Variants in ZFYVE9 observed in about 807,000 individuals in gnomAD.
The protein encoded by ZFYVE9 is zinc finger FYVE domain-containing protein 9.
A neutral mutation model predicts 126.7 loss-of-function variants in ZFYVE9; 43 were observed. That is an observed-to-expected ratio of 0.34 (90% confidence interval 0.27 to 0.44). ZFYVE9 has a LOEUF of 0.44. ZFYVE9 is among the 20% of genes least tolerant of loss of function. The pLI is 1.00. For missense variants in ZFYVE9, 1,476 were observed against 1,697.0 expected (o/e 0.87, Z 2.29); for synonymous variants, 521 against 597.4 (o/e 0.87, Z 1.87).
chr1:52,271,433 T>G (rs909181578), intron 7 of ZFYVE9, among the ~76,000 whole-genome samples: 6 of 152,186 alleles, frequency 3.9e-5, no homozygotes, highest in African/African-American at 1.4e-4. Context: ...TTTTTATTAT[T>G]ATTATTATAC....
intron 1 of ZFYVE9, among the ~76,000 whole-genome samples, chr1:52,181,343 C>G (rs1644700749): frequency 6.6e-6 from 1 of 152,242 alleles, no homozygotes; most frequent in African/African-American, 2.4e-5. Flanking sequence ...CCTCGGCCTC[C>G]CGAGGTGCTG....
At chr1:52,186,027 G>A (rs1388033289) in intron 1 of ZFYVE9, among the ~76,000 whole-genome samples, 1 of 151,544 alleles carries the variant, frequency 6.6e-6, no homozygotes, top group Non-Finnish European at 1.5e-5. Flanking sequence ...GATCACTTGA[G>A]GTCAGGAGTT....
In ZFYVE9 at chr1:52,344,917, A is replaced by T; in HGVS notation, c.4089A>T (p.Gly1363=). Residue 1363 remains glycine, a synonymous_variant, in exon 18 of 19, where the codon GGA becomes GGT. Coordinates refer to ENST00000287727, the MANE Select transcript of ZFYVE9 (RefSeq NM_004799.4). ...LLKEDGMTKL[G]LRVTLDSDQV... ...AGGAAGATGGAATGACCAAACTGGGACTACGTGTGACACTTGACTCAGATC... is the reference window on the plus strand; with the variant it reads ...AGGAAGATGGAATGACCAAACTGGGTCTACGTGTGACACTTGACTCAGATC... 1 of 1,614,180 alleles carries T rather than the reference A, an allele frequency of 6.2e-7. No homozygotes were observed. Among genetic ancestry groups the T allele is most frequent in the Non-Finnish European group, 8.5e-7 (1 of 1,180,026 alleles).
At chr1:52,233,854 C>T (rs140168674) in intron 3 of ZFYVE9, among the ~76,000 whole-genome samples, 242 of 152,298 alleles carry the variant, frequency 1.6e-3, no homozygotes, top group African/African-American at 5.4e-3. Flanking sequence ...GTGCAGTGCT[C>T]ACTGGAACCT....
At chr1:52,325,002 G>A (rs915081739) in intron 13 of ZFYVE9, among the ~76,000 whole-genome samples, 1 of 152,180 alleles carries the variant, frequency 6.6e-6, no homozygotes, top group South Asian at 2.1e-4. Flanking sequence ...GAATTAGGCT[G>A]GGCGTGGTGG....
intron 1 of ZFYVE9, among the ~76,000 whole-genome samples, chr1:52,199,970 TG>T (rs1254178702): frequency 2.6e-5 from 4 of 152,102 alleles, no homozygotes; most frequent in Non-Finnish European, 4.4e-5. Context: ...GTTTGCCATC[TG>T]TGTACCTTCT....
chr1:52,148,144 A>G (rs1169717603), intron 1 of ZFYVE9, among the ~76,000 whole-genome samples: 1 of 151,794 alleles, frequency 6.6e-6, no homozygotes, highest in Non-Finnish European at 1.5e-5. Context: ...ATGCATTGCC[A>G]GATTCTTTGA....
intron 4 of ZFYVE9, among the ~76,000 whole-genome samples, chr1:52,262,496 G>GT (rs1257341426): frequency 6.6e-6 from 1 of 152,124 alleles, no homozygotes. Flanking sequence ...TGTTCTCCCT[G>GT]TATCACAGGG....
At chr1:52,319,950 T>C (rs1480323959) in intron 13 of ZFYVE9, among the ~76,000 whole-genome samples, 2 of 147,052 alleles carry the variant, frequency 1.4e-5, no homozygotes, top group Non-Finnish European at 3.0e-5. Flanking sequence ...GAGGCAGAGG[T>C]TGCAGTGAGC....
intron 4 of ZFYVE9, among the ~76,000 whole-genome samples, chr1:52,242,819 T>C (rs572651440): frequency 6.6e-6 from 1 of 152,320 alleles, no homozygotes; most frequent in Admixed American, 6.5e-5. Flanking sequence ...TTGTAATTGA[T>C]ATTGTGATTT....
At chr1:52,325,494 T>C (rs1646281867) in intron 13 of ZFYVE9, among the ~76,000 whole-genome samples, 1 of 152,128 alleles carries the variant, frequency 6.6e-6, no homozygotes, top group Non-Finnish European at 1.5e-5. Context: ...CACCCCAGCC[T>C]GAACGAGAAG....
At position 52,281,664 on chromosome 1, in the gene ZFYVE9, T is replaced by G. The variant is rs1264280249; in HGVS notation, c.2873T>G (p.Val958Gly). The change falls in exon 10 of 19, where the codon GTG (valine) becomes GGG (glycine). Residue 958 changes from valine to glycine, a missense_variant. Val to Gly is a moderately radical substitution (Grantham distance 109, BLOSUM62 -3). This residue lies in a region of ZFYVE9 where 669 missense variants were observed against 902.4 expected (regional missense o/e 0.74). Transcript: ENST00000287727. ...LLSMVKIVNY[V>G]NRKCWCFTTK... ...TGTGTTTTTATTCCATCTGTAGATG[T>G]GAACAGGAAGTGCTGGTGTTTCACA... is the stretch of plus-strand genomic sequence containing the variant. 6.2e-7 allele frequency: 1 copy of G among 1,613,712 alleles called. No individual in the cohort carries two copies.
chr1:52,198,926 A>G (rs971942079), intron 1 of ZFYVE9, among the ~76,000 whole-genome samples: 2 of 152,142 alleles, frequency 1.3e-5, no homozygotes, highest in South Asian at 2.1e-4. Flanking sequence ...GGTTTACTCA[A>G]TGGTGTTGTA....
intron 4 of ZFYVE9, among the ~76,000 whole-genome samples, chr1:52,255,953 CTTTTCTTTTCT>C (rs757270068): frequency 0.039 from 3,907 of 100,174 alleles, 117 homozygotes; most frequent in African/African-American, 0.083. Flanking sequence ...CTTTTCTTTT[CTTTTCTTTTCT>C]TTTCTTTCTT....
At chr1:52,265,116 A>G (rs977699779) in intron 5 of ZFYVE9, among the ~76,000 whole-genome samples, 1 of 152,196 alleles carries the variant, frequency 6.6e-6, no homozygotes, top group Non-Finnish European at 1.5e-5. Context: ...TTCACATGGA[A>G]TACTTACTTT....
intron 1 of ZFYVE9, among the ~76,000 whole-genome samples, chr1:52,174,919 C>T (rs1228147750): frequency 1.3e-5 from 2 of 152,210 alleles, no homozygotes; most frequent in African/African-American, 4.8e-5. Flanking sequence ...AGATGGGTGT[C>T]CTGAATACAG....
At chr1:52,293,048 GTCCA>G (rs1049631514) in intron 10 of ZFYVE9, among the ~76,000 whole-genome samples, 2 of 152,044 alleles carry the variant, frequency 1.3e-5, no homozygotes, top group African/African-American at 4.8e-5. Context: ...GTTTGGTAGT[GTCCA>G]TCCAGCCCAG....
intron 13 of ZFYVE9, among the ~76,000 whole-genome samples, chr1:52,307,845 G>A (rs748024031): frequency 2.0e-4 from 30 of 151,136 alleles, no homozygotes; most frequent in Admixed American, 3.3e-4. Flanking sequence ...TCCGCCTCCC[G>A]GGTTCACGCC....
chr1:52,202,695 TA>T (rs1211176651), intron 1 of ZFYVE9, among the ~76,000 whole-genome samples: 1 of 152,080 alleles, frequency 6.6e-6, no homozygotes, highest in Non-Finnish European at 1.5e-5. Context: ...TTCATTTATT[TA>T]TTTTTTTGAG....
Sources: gnomAD v4.1 joint callset for allele counts (sites outside exome capture counted in the v4.1 genomes callset) on GRCh38, gnomAD v4.1.1 for gene constraint, gnomAD v4.1.1 regional missense constraint, MANE v1.5 for transcripts, NCBI Gene and HGNC (gene_info 2026-07-23, HGNC 2026-07-21) for gene names.